CCDC102B: variants seen among roughly 807,000 people sequenced by gnomAD.
CCDC102B encodes coiled-coil domain-containing protein 102B.
A neutral mutation model predicts 57.4 loss-of-function variants in CCDC102B; 75 were observed. The ratio of observed to expected loss-of-function variants is 1.31; its 90% confidence interval spans 1.08 to 1.58. The LOEUF (loss-of-function observed/expected upper bound fraction) is 1.58, where lower values mean the gene tolerates loss of function less well. CCDC102B is among the 40% of genes most tolerant of loss of function. The probability of loss-of-function intolerance (pLI) is 0.00; values close to 1 mark genes in which losing one functional copy is unlikely to be tolerated. For synonymous variants in CCDC102B, 206 were observed against 201.9 expected, an observed-to-expected ratio of 1.02 and a Z score of -0.17; for missense variants, 636 against 582.6, an observed-to-expected ratio of 1.09 and a Z score of -0.94.
At chr18:68,878,052 C>A (rs1467262840) in intron 5 of CCDC102B, among the ~76,000 whole-genome samples, 1 of 152,174 alleles carries the variant, frequency 6.6e-6, no homozygotes, top group East Asian at 1.9e-4. Context: ...AAGGGCAAAG[C>A]TGTCTATATT....
intron 4 of CCDC102B, among the ~76,000 whole-genome samples, chr18:68,855,633 A>T (rs1454349858): frequency 6.6e-6 from 1 of 152,126 alleles, no homozygotes; most frequent in Non-Finnish European, 1.5e-5. Flanking sequence ...CTTTCTCTGT[A>T]GCCCCAAGAG....
chr18:68,945,426 A>G (rs2049511848), intron 6 of CCDC102B, among the ~76,000 whole-genome samples: 1 of 152,084 alleles, frequency 6.6e-6, no homozygotes, highest in African/African-American at 2.4e-5. Flanking sequence ...GAGCAGCTCA[A>G]AAATTTAAAA....
At chr18:68,815,677 T>TACACACAC (rs10592850) in intron 1 of CCDC102B, among the ~76,000 whole-genome samples, 2,198 of 149,262 alleles carry the variant, frequency 0.015, 29 homozygotes, top group African/African-American at 0.032. Context: ...TCCATTTACA[T>TACACACAC]ACACACACAC....
intron 1 of CCDC102B, among the ~76,000 whole-genome samples, chr18:68,803,967 G>A (rs1332325654): frequency 1.3e-5 from 2 of 152,142 alleles, no homozygotes; most frequent in Non-Finnish European, 2.9e-5. Context: ...TAAGTTGAGT[G>A]TTCAAAGCAT....
At chr18:68,931,350 G>T (rs549574536) in intron 6 of CCDC102B, among the ~76,000 whole-genome samples, 1 of 151,830 alleles carries the variant, frequency 6.6e-6, no homozygotes, top group Non-Finnish European at 1.5e-5. Flanking sequence ...CTCAAAAGAC[G>T]TAATGGTAGA....
chr18:68,802,964 C>A (rs2035907205), intron 1 of CCDC102B, among the ~76,000 whole-genome samples: 1 of 152,158 alleles, frequency 6.6e-6, no homozygotes, highest in Non-Finnish European at 1.5e-5. Context: ...AAATCTTCAT[C>A]TTTTGTATAT....
chr18:68,805,627 G>A (rs993460623), intron 1 of CCDC102B, among the ~76,000 whole-genome samples: 2 of 152,044 alleles, frequency 1.3e-5, no homozygotes, highest in Non-Finnish European at 2.9e-5. Flanking sequence ...AGAGTTATGG[G>A]GACAATAGTA....
chr18:68,836,786 G>A lies in CCDC102B; in HGVS notation c.23G>A (p.Arg8Gln), dbSNP rs199750681. Residue 8 changes from arginine (R) to glutamine (Q), a missense_variant, in exon 2 of 8, where the codon CGA becomes CAA. Physicochemically the swap from Arg to Gln is conservative, Grantham distance 43. Transcript: ENST00000360242. The part of the protein sequence containing the change: MNLDSIH[R>Q]LIEETQIFQM... ...AATATGAATTTAGATTCCATACATC[G>A]ATTAATTGAGGAAACACAGATCTTC... 393 of 1,612,422 alleles carry A rather than the reference G, an allele frequency of 2.4e-4. No individual in the cohort carries two copies. The highest frequency in any genetic ancestry group is 3.0e-4 in the Non-Finnish European group (359 of 1,179,538).
chr18:69,015,847 AT>A (rs1203112295), intron 7 of CCDC102B, among the ~76,000 whole-genome samples: 2 of 151,740 alleles, frequency 1.3e-5, no homozygotes, highest in Non-Finnish European at 2.9e-5. Flanking sequence ...ATAATGGCAC[AT>A]TTTTTTATTT....
intron 2 of CCDC102B, among the ~76,000 whole-genome samples, chr18:68,728,426 C>T (rs2032699872): frequency 1.3e-5 from 2 of 152,124 alleles, no homozygotes; most frequent in African/African-American, 4.8e-5. Flanking sequence ...AAAGATTGAA[C>T]AACAGAAACA....
intron 6 of CCDC102B, among the ~76,000 whole-genome samples, chr18:68,951,427 G>C (rs1056835912): frequency 6.6e-6 from 1 of 152,050 alleles, no homozygotes. Flanking sequence ...TTAAAACTAG[G>C]ATGATTGTAT....
At chr18:68,955,297 C>T (rs1395759104) in intron 6 of CCDC102B, among the ~76,000 whole-genome samples, 2 of 151,954 alleles carry the variant, frequency 1.3e-5, no homozygotes, top group East Asian at 1.9e-4. Context: ...TCACACTTGC[C>T]GCCATCCATT....
chr18:68,895,615 C>T (rs1482950386), intron 5 of CCDC102B, among the ~76,000 whole-genome samples: 1 of 151,696 alleles, frequency 6.6e-6, no homozygotes, highest in Non-Finnish European at 1.5e-5. Context: ...TAAAATGCCT[C>T]ATACTCTAAT....
At chr18:69,054,001 A>C in intron 7 of CCDC102B, 29 bp from the exon 8 acceptor site, 2 of 1,583,478 alleles carry the variant, frequency 1.3e-6, no homozygotes, top group Non-Finnish European at 1.7e-6. Context: ...ACTTGAACCT[A>C]ACTAAAGCAT....
chr18:69,049,116 G>A (rs1380490549), intron 7 of CCDC102B, among the ~76,000 whole-genome samples: 4 of 151,298 alleles, frequency 2.6e-5, no homozygotes, highest in South Asian at 2.1e-4. Context: ...AGGTATACAC[G>A]TGCTATGGTG....
chr18:68,942,246 A>G (rs1437542895), intron 6 of CCDC102B, among the ~76,000 whole-genome samples: 1 of 152,102 alleles, frequency 6.6e-6, no homozygotes. Flanking sequence ...AATGAATTAG[A>G]AAGTTGCTGA....
chr18:68,976,420 T>C (rs1354498063), intron 6 of CCDC102B, among the ~76,000 whole-genome samples: 1 of 152,004 alleles, frequency 6.6e-6, no homozygotes, highest in Non-Finnish European at 1.5e-5. Context: ...GTAAATTTTA[T>C]TCTGCAAAAT....
intron 7 of CCDC102B, among the ~76,000 whole-genome samples, chr18:69,014,239 A>C (rs1197795614): frequency 6.6e-6 from 1 of 152,214 alleles, no homozygotes; most frequent in Admixed American, 6.5e-5. Flanking sequence ...CAAGATTAAC[A>C]TAATCCTTTG....
At chr18:68,820,083 T>C (rs2036635483) in intron 1 of CCDC102B, among the ~76,000 whole-genome samples, 1 of 152,102 alleles carries the variant, frequency 6.6e-6, no homozygotes, top group Non-Finnish European at 1.5e-5. Flanking sequence ...GCTAGACTTC[T>C]CCTTTTGTAT....
Sources: allele counts gnomAD v4.1 joint callset (sites outside exome capture counted in the v4.1 genomes callset), GRCh38; gene constraint gnomAD v4.1.1; transcripts MANE v1.5; gene names NCBI Gene and HGNC (gene_info 2026-07-23, HGNC 2026-07-21).